Variants in GALNTL6 observed in about 807,000 individuals in gnomAD.
The protein encoded by GALNTL6 is polypeptide N-acetylgalactosaminyltransferase-like 6.
A neutral mutation model predicts 73.7 loss-of-function variants in GALNTL6; 46 were observed. The observed-to-expected ratio is 0.62, with a 90% confidence interval of 0.49 to 0.80. The LOEUF (loss-of-function observed/expected upper bound fraction) is 0.80, where lower values mean the gene tolerates loss of function less well. Ranked by LOEUF, GALNTL6 falls within the 30% of genes least tolerant of loss-of-function variation. GALNTL6 has a pLI of 0.00. For synonymous variants in GALNTL6, 259 were observed against 263.7 expected, an observed-to-expected ratio of 0.98 and a Z score of 0.17; for missense variants, 604 against 755.0, an observed-to-expected ratio of 0.80 and a Z score of 2.34.
intron 3 of GALNTL6, among the ~76,000 whole-genome samples, chr4:172,304,041 A>G (rs890797716): frequency 1.3e-5 from 2 of 150,148 alleles, no homozygotes; most frequent in Non-Finnish European, 3.0e-5. Context: ...CAATGCTCCT[A>G]GATTATTAAA....
chr4:172,978,293 G>A (rs3855584), intron 10 of GALNTL6, among the ~76,000 whole-genome samples: 85,257 of 151,956 alleles, frequency 0.56, 25,829 homozygotes, highest in South Asian at 0.72. Context: ...CACGGTTGCC[G>A]AGTCCCAAGA....
chr4:172,105,220 T>C (rs542649472), intron 2 of GALNTL6, among the ~76,000 whole-genome samples: 11 of 151,946 alleles, frequency 7.2e-5, no homozygotes, highest in Non-Finnish European at 1.6e-4. Flanking sequence ...AAAAAGAACA[T>C]ATGAAGGGTT....
At chr4:172,108,524 C>A (rs1024267398) in intron 2 of GALNTL6, among the ~76,000 whole-genome samples, 8 of 152,102 alleles carry the variant, frequency 5.3e-5, no homozygotes, top group Admixed American at 6.5e-5. Context: ...CTGAGTTTTT[C>A]AATTTATTGG....
At chr4:172,304,964 C>A (rs1740075319) in intron 3 of GALNTL6, among the ~76,000 whole-genome samples, 1 of 152,276 alleles carries the variant, frequency 6.6e-6, no homozygotes, top group South Asian at 2.1e-4. Context: ...TGAAACTCTT[C>A]TAGGTCTTAT....
rs544658201 is a variant in GALNTL6 at position 172,604,876 on chromosome 4, A to G, written c.554-204485A>G. 4.6e-5 allele frequency among the ~76,000 whole-genome samples: 7 copies of G among 152,312 alleles called. No individual in the cohort carries two copies. In the South Asian group the frequency reaches 1.0e-3, roughly 23 times the overall value. ...TGGACTTCATACATCAGTCTTCACT[A>G]GTGATTTCTGAGAAGCAAACAGATT... On this transcript the variant is annotated intron_variant, in intron 5 of 12. Transcript: ENST00000506823.
At position 172,809,733 on chromosome 4, in the gene GALNTL6, G is replaced by T. The variant is rs1741183759; in HGVS notation, c.739+187G>T. On this transcript the variant is annotated intron_variant, in intron 6 of 12. Transcript: ENST00000506823. This position sits in a 1 kb window ranked among gnomAD's most constrained non-coding sequence, Gnocchi z 4.4. ...GTAACTGTTTTAGGCAGTATTCTAG[G>T]TAATGCCATAAAATTGGCATTTTAA... Among the ~76,000 whole-genome samples the T allele has an allele frequency of 6.6e-6, 1 of 152,058 alleles. No individual in the cohort carries two copies. The highest frequency in any genetic ancestry group is 1.5e-5 in the Non-Finnish European group (1 of 68,004).
At chr4:172,930,386 T>C (rs1309907905) in intron 8 of GALNTL6, among the ~76,000 whole-genome samples, 4 of 152,200 alleles carry the variant, frequency 2.6e-5, no homozygotes, top group African/African-American at 9.6e-5. Flanking sequence ...AGGTTAGCAC[T>C]GTTGCAAGTT....
intron 2 of GALNTL6, among the ~76,000 whole-genome samples, chr4:171,879,949 T>G (rs1003980078): frequency 3.9e-5 from 6 of 152,190 alleles, no homozygotes; most frequent in African/African-American, 1.4e-4. Context: ...TATTAATATA[T>G]TCTTTATTAA....
intron 5 of GALNTL6, among the ~76,000 whole-genome samples, chr4:172,735,382 C>A (rs1037649897): frequency 6.6e-6 from 1 of 152,262 alleles, no homozygotes; most frequent in East Asian, 1.9e-4. Flanking sequence ...GGGCCTGTAA[C>A]CCCTTTGTTT....
At chr4:172,243,112 A>C (rs2110997218) in intron 3 of GALNTL6, among the ~76,000 whole-genome samples, 1 of 152,288 alleles carries the variant, frequency 6.6e-6, no homozygotes, top group East Asian at 1.9e-4. Context: ...ATTGGTGTTC[A>C]GTTTCTCCAC....
intron 5 of GALNTL6, among the ~76,000 whole-genome samples, chr4:172,740,483 AC>A (rs1736732615): frequency 6.6e-6 from 1 of 151,882 alleles, no homozygotes; most frequent in East Asian, 1.9e-4. Context: ...TTTATTGGTA[AC>A]CCCCAAATCA....
chr4:171,883,289 T>G (rs1383889023), intron 2 of GALNTL6, among the ~76,000 whole-genome samples: 1 of 151,788 alleles, frequency 6.6e-6, no homozygotes, highest in Non-Finnish European at 1.5e-5. Flanking sequence ...GAGGAGGAGG[T>G]TGCAGTGAGC....
chr4:172,349,781 G>A (rs1450385107), intron 5 of GALNTL6, among the ~76,000 whole-genome samples: 1 of 151,034 alleles, frequency 6.6e-6, no homozygotes, highest in Non-Finnish European at 1.5e-5. Context: ...TCGCACCACT[G>A]AACTCCAGCC....
intron 4 of GALNTL6, among the ~76,000 whole-genome samples, chr4:172,340,664 G>A (rs1299386766): frequency 6.6e-6 from 1 of 152,164 alleles, no homozygotes; most frequent in East Asian, 1.9e-4. Flanking sequence ...GATACTATAA[G>A]ATCTTGCTTT....
intron 2 of GALNTL6, among the ~76,000 whole-genome samples, chr4:171,921,498 A>G (rs1196525365): frequency 6.6e-6 from 1 of 152,128 alleles, no homozygotes; most frequent in Non-Finnish European, 1.5e-5. Flanking sequence ...TACTTGGCTT[A>G]TAAAGAGCAC....
intron 8 of GALNTL6, among the ~76,000 whole-genome samples, chr4:172,895,441 A>C (rs1165963376): frequency 2.0e-5 from 3 of 148,022 alleles, no homozygotes; most frequent in Non-Finnish European, 4.5e-5. Context: ...CTATGGTTCC[A>C]CTCCCTGCAG....
chr4:172,790,808 G>A (rs1010181018), intron 5 of GALNTL6, among the ~76,000 whole-genome samples: 1 of 150,360 alleles, frequency 6.7e-6, no homozygotes, highest in African/African-American at 2.5e-5. Flanking sequence ...CAGGAGAATT[G>A]CTTGAACTGG....
intron 3 of GALNTL6, among the ~76,000 whole-genome samples, chr4:172,272,991 A>G (rs1738706383): frequency 6.6e-6 from 1 of 152,200 alleles, no homozygotes; most frequent in South Asian, 2.1e-4. Flanking sequence ...ATTAAGAACT[A>G]AAACACTTTT....
rs372233480 is a variant in GALNTL6 at position 172,751,269 on chromosome 4, T to TA, written c.554-58084dup. 1.2e-4 allele frequency among the ~76,000 whole-genome samples: 19 copies of TA among 152,068 alleles called. No individual in the cohort carries two copies. In the East Asian group the frequency reaches 1.4e-3, roughly 11 times the overall value. Reference sequence around the variant, plus strand: ...AGTCTTTTCAGTATTACTAAAATTATAAAAAAAAGAATTGTGATTTTAACT... The same window carrying TA: ...AGTCTTTTCAGTATTACTAAAATTATAAAAAAAAAGAATTGTGATTTTAACT... On this transcript the variant is annotated intron_variant, in intron 5 of 12. Coordinates refer to ENST00000506823, the MANE Select transcript of GALNTL6 (RefSeq NM_001034845.3).
Sources: gnomAD v4.1 joint callset for allele counts (sites outside exome capture counted in the v4.1 genomes callset) on GRCh38, gnomAD v4.1.1 for gene constraint, Gnocchi (gnomAD v3.1) non-coding constraint, MANE v1.5 for transcripts, NCBI Gene and HGNC (gene_info 2026-07-23, HGNC 2026-07-21) for gene names.